COL23A1: variants seen among roughly 807,000 people sequenced by gnomAD.
COL23A1 encodes collagen type XXIII alpha 1 chain.
Under a neutral mutation model 99.3 loss-of-function variants are expected in COL23A1, and 97 were observed. The observed-to-expected ratio is 0.98, with a 90% CI of 0.83 to 1.16. The LOEUF (loss-of-function observed/expected upper bound fraction) is 1.16. Among genes scored for constraint, COL23A1 ranks in the 50% most tolerant of loss-of-function variants. The pLI, the probability that COL23A1 is intolerant of heterozygous loss-of-function variation, is 0.00. For missense variants in COL23A1, 762 were observed against 757.4 expected, an observed-to-expected ratio of 1.01 and a Z score of -0.07; for synonymous variants, 320 against 308.2, an observed-to-expected ratio of 1.04 and a Z score of -0.40.
chr5:178,365,119 T>C lies in COL23A1; in HGVS notation c.362-58200A>G, dbSNP rs1762390646. Among the ~76,000 whole-genome samples the C allele has an allele frequency of 6.9e-6, 1 of 145,760 alleles. No homozygotes were observed. The highest frequency in any genetic ancestry group is 1.5e-5 in the Non-Finnish European group (1 of 66,470). Reference sequence around the variant, plus strand: ...TAATTTCTCTTTGGGGTGGGCTTTATGATGTTGCTGTGTGTGCGTGTGTGT... The same window carrying C: ...TAATTTCTCTTTGGGGTGGGCTTTACGATGTTGCTGTGTGTGCGTGTGTGT... On this transcript the variant is annotated intron_variant, in intron 2 of 28. Transcript: ENST00000390654. This position sits in a 1 kb window ranked among gnomAD's most constrained non-coding sequence, Gnocchi z 5.2.
intron 2 of COL23A1, among the ~76,000 whole-genome samples, chr5:178,433,946 C>T (rs983340083): frequency 2.0e-5 from 3 of 152,162 alleles, no homozygotes; most frequent in South Asian, 2.1e-4. Context: ...CACAGAAGGA[C>T]GGCCATGTGA....
At chr5:178,398,273 C>G (rs1398135509) in intron 2 of COL23A1, among the ~76,000 whole-genome samples, 1 of 152,210 alleles carries the variant, frequency 6.6e-6, no homozygotes, top group Non-Finnish European at 1.5e-5. Context: ...TCTTCATGTG[C>G]TTTCACACGT....
intron 2 of COL23A1, among the ~76,000 whole-genome samples, chr5:178,473,892 T>C (rs889688016): frequency 2.0e-5 from 3 of 152,140 alleles, no homozygotes; most frequent in Non-Finnish European, 4.4e-5. Context: ...CAGACCAGAT[T>C]ATGAATTTTG....
At chr5:178,242,244 G>C in intron 26 of COL23A1, 97 bp downstream of exon 26, 1 of 1,489,626 alleles carries the variant, frequency 6.7e-7, no homozygotes, top group South Asian at 1.2e-5. Flanking sequence ...CCACCTGCCC[G>C]GCCTGGGTTC....
intron 1 of COL23A1, chr5:178,562,177 G>A (rs186306484): frequency 3.6e-5 from 17 of 469,300 alleles, no homozygotes; most frequent in African/African-American, 2.2e-4. Flanking sequence ...GAGAGGCGGA[G>A]GTTGCAGTGA....
chr5:178,251,890 C>T (rs577642509), intron 17 of COL23A1, among the ~76,000 whole-genome samples: 18 of 149,628 alleles, frequency 1.2e-4, no homozygotes, highest in African/African-American at 4.4e-4. Context: ...CTTTCTTTCT[C>T]TCTCTTTCAT....
At chr5:178,286,985 T>G (rs956083753) in intron 5 of COL23A1, among the ~76,000 whole-genome samples, 1 of 152,222 alleles carries the variant, frequency 6.6e-6, no homozygotes, top group African/African-American at 2.4e-5. Flanking sequence ...GGAGTGGTTC[T>G]GTTAGTCTCC....
At chr5:178,330,915 A>ACC (rs1759981967) in intron 2 of COL23A1, among the ~76,000 whole-genome samples, 1 of 152,162 alleles carries the variant, frequency 6.6e-6, no homozygotes, top group Non-Finnish European at 1.5e-5. Context: ...TCAAAGAGGC[A>ACC]CCCACTGGCA....
In COL23A1 at chr5:178,249,110, C is replaced by T. The variant is rs1445477818; in HGVS notation, c.1149+7G>A. 1.9e-6 allele frequency: 3 copies of T among 1,613,916 alleles called. No individual in the cohort carries two copies. The highest frequency in any genetic ancestry group is 1.7e-6 in the Non-Finnish European group (2 of 1,179,938). ...GGCGTAATGTGTGGCCCAACCCAGC[C>T]ACATACCGGGAGGCCGGACAAGCCC... On this transcript the variant is annotated splice_region_variant and intron_variant, in intron 19 of 28. Transcript: ENST00000390654.
At chr5:178,354,784 T>C (rs551855190) in intron 2 of COL23A1, among the ~76,000 whole-genome samples, 2 of 152,228 alleles carry the variant, frequency 1.3e-5, no homozygotes, top group Non-Finnish European at 2.9e-5. Flanking sequence ...AGGTTGGGTG[T>C]GGTGGCTCAT....
At chr5:178,553,596 T>G (rs1762119770) in intron 2 of COL23A1, among the ~76,000 whole-genome samples, 1 of 152,206 alleles carries the variant, frequency 6.6e-6, no homozygotes, top group Non-Finnish European at 1.5e-5. Context: ...TCTGGAATGT[T>G]CCTGACAATG....
chr5:178,287,568 GCTCT>G (rs1409535187), intron 5 of COL23A1, among the ~76,000 whole-genome samples: 1 of 152,018 alleles, frequency 6.6e-6, no homozygotes, highest in African/African-American at 2.4e-5. Context: ...GGGGACCACC[GCTCT>G]CTATCACCAG....
chr5:178,589,334 C>T lies in COL23A1; in HGVS notation c.294+570G>A, dbSNP rs1419599795. Among the ~76,000 whole-genome samples, 1 of 152,072 alleles carries T rather than the reference C, an allele frequency of 6.6e-6. No individual in the cohort carries two copies. Among genetic ancestry groups the T allele is most frequent in the African/African-American group, 2.4e-5 (1 of 41,418 alleles). On this transcript the variant is annotated intron_variant, in intron 1 of 28. Coordinates refer to ENST00000390654, the MANE Select transcript of COL23A1 (RefSeq NM_173465.4). The surrounding 1 kb of genome is among the most constrained non-coding windows in gnomAD (Gnocchi z 5.4). ...TCATCTTACCAAGTCATGTGGGCGCCCCCACCCCCATCCCCGAGGCCTCAG... is the reference window on the plus strand; with the variant it reads ...TCATCTTACCAAGTCATGTGGGCGCTCCCACCCCCATCCCCGAGGCCTCAG...
intron 2 of COL23A1, among the ~76,000 whole-genome samples, chr5:178,459,179 T>A (rs960754073): frequency 1.3e-5 from 2 of 152,220 alleles, no homozygotes; most frequent in African/African-American, 4.8e-5. Context: ...ACTGGATTGC[T>A]ATTGGAAATT....
At chr5:178,349,516 A>G (rs28533025) in intron 2 of COL23A1, among the ~76,000 whole-genome samples, 19 of 25,572 alleles carry the variant, frequency 7.4e-4, no homozygotes, top group South Asian at 2.5e-3. Flanking sequence ...CATGCCCCAC[A>G]CCTGGCCCTC....
chr5:178,562,178 G>A (rs1327326894), intron 1 of COL23A1: 1 of 464,728 alleles, frequency 2.2e-6, no homozygotes, highest in Admixed American at 2.4e-5. Context: ...AGAGGCGGAG[G>A]TTGCAGTGAG....
chr5:178,417,201 G>A (rs1258659812), intron 2 of COL23A1, among the ~76,000 whole-genome samples: 1 of 152,172 alleles, frequency 6.6e-6, no homozygotes, highest in African/African-American at 2.4e-5. Context: ...TGGCTCTTCT[G>A]GATGTACATA....
chr5:178,560,248 T>A (rs1475942132), intron 2 of COL23A1, among the ~76,000 whole-genome samples: 1 of 152,088 alleles, frequency 6.6e-6, no homozygotes, highest in Non-Finnish European at 1.5e-5. Flanking sequence ...CCGCAAGAAA[T>A]GAAAACAAGA....
In COL23A1 at chr5:178,589,944, TC is replaced by T; in HGVS notation, c.253del (p.Asp85ThrfsTer19). 7.5e-7 allele frequency: 1 copy of T among 1,330,238 alleles called. No individual in the cohort carries two copies. Among genetic ancestry groups the T allele is most frequent in the Non-Finnish European group, 9.5e-7 (1 of 1,047,700 alleles). 82.4% of individuals were successfully genotyped at this position (1,330,238 alleles called of 1,614,324 possible). On this transcript the variant is annotated frameshift_variant, in exon 1 of 29. Transcript: ENST00000390654. LOFTEE classifies it high-confidence loss of function. The surrounding 1 kb of genome is among the most constrained non-coding windows in gnomAD (Gnocchi z 5.4). The part of the protein sequence containing the change: ...LRRAGPPGAL[D>X]AWAEPHLERL... ...CTCCAGGTGCGGCTCGGCCCAGGCG[TC>T]CAGGGCGCCTGGCGGCCCCGCGCGC...
Sources: allele counts gnomAD v4.1 joint callset (sites outside exome capture counted in the v4.1 genomes callset), GRCh38; gene constraint gnomAD v4.1.1; non-coding constraint Gnocchi (gnomAD v3.1); transcripts MANE v1.5; gene names NCBI Gene and HGNC (gene_info 2026-07-23, HGNC 2026-07-21).